LYPD1: variants seen among roughly 807,000 people sequenced by gnomAD.
The protein encoded by LYPD1 is LY6/PLAUR domain containing 1, also known as ly6/PLAUR domain-containing protein 1.
A neutral mutation model predicts 14.2 loss-of-function variants in LYPD1; 14 were observed. The ratio of observed to expected loss-of-function variants is 0.99; its 90% CI spans 0.65 to 1.54. LYPD1 has a LOEUF of 1.54. LYPD1 is among the 40% of genes most tolerant of loss of function. LYPD1 has a pLI of 0.00. For missense variants in LYPD1, 165 were observed against 175.7 expected, an observed-to-expected ratio of 0.94 and a Z score of 0.34; for synonymous variants, 85 against 70.6, an observed-to-expected ratio of 1.20 and a Z score of -1.02.
intron 2 of LYPD1, among the ~76,000 whole-genome samples, chr2:132,660,973 G>A (rs1280811943): frequency 6.6e-6 from 1 of 152,178 alleles, no homozygotes; most frequent in Admixed American, 6.5e-5. Flanking sequence ...TTTCTCAAGG[G>A]AAGAGAGAGA....
rs774382081 is a variant in LYPD1, at chr2:132,669,958, A to AG, written c.-27dup. The AG allele has an allele frequency of 1.2e-6, 2 of 1,610,472 alleles. No homozygotes were observed. The highest frequency in any genetic ancestry group is 3.3e-5 in the Admixed American group (2 of 59,934). ...TCTCCCGGAGTCCCGGGGCCGGGAG[A>AG]GGGCAAGCGCATCAGAGGAGGCGAC... On this transcript the variant is annotated 5_prime_UTR_variant, in exon 1 of 3. Transcript: ENST00000397463. This position sits in a 1 kb window ranked among gnomAD's most constrained non-coding sequence, Gnocchi z 4.3.
intron 2 of LYPD1, 81 bp from the exon 3 acceptor site, chr2:132,646,361 A>C (rs970415948): frequency 1.0e-6 from 1 of 964,016 alleles, no homozygotes; most frequent in East Asian, 3.1e-5. Flanking sequence ...ATCCAAACGG[A>C]CAGCTCTTCC....
intron 2 of LYPD1, among the ~76,000 whole-genome samples, chr2:132,651,554 A>G (rs1049927660): frequency 2.6e-5 from 4 of 152,210 alleles, no homozygotes; most frequent in African/African-American, 9.6e-5. Flanking sequence ...TGCAACAAAT[A>G]AAACAGTCCC....
chr2:132,648,279 TTACTGAATG>T (rs1422524585), intron 2 of LYPD1, among the ~76,000 whole-genome samples: 2 of 106,592 alleles, frequency 1.9e-5, no homozygotes, highest in Non-Finnish European at 5.0e-5. Flanking sequence ...AAAAAAATAT[TTACTGAATG>T]TATTTTTCTC....
intron 2 of LYPD1, among the ~76,000 whole-genome samples, chr2:132,654,577 C>A (rs1276353187): frequency 6.6e-6 from 1 of 152,068 alleles, no homozygotes; most frequent in African/African-American, 2.4e-5. Context: ...GTGCTATTAA[C>A]TGCTTAACTC....
chr2:132,652,817 G>A (rs1051442015), intron 2 of LYPD1, among the ~76,000 whole-genome samples: 3 of 152,208 alleles, frequency 2.0e-5, no homozygotes, highest in African/African-American at 7.2e-5. Flanking sequence ...GGGTGGCTAT[G>A]CGTGCTTGCT....
intron 2 of LYPD1, among the ~76,000 whole-genome samples, chr2:132,661,613 C>T (rs1458336816): frequency 6.6e-6 from 1 of 152,098 alleles, no homozygotes; most frequent in Non-Finnish European, 1.5e-5. Flanking sequence ...AAACATGATC[C>T]TAAGCAAAAG....
intron 2 of LYPD1, among the ~76,000 whole-genome samples, chr2:132,664,057 G>GCGCACA (rs1683124328): frequency 6.6e-6 from 1 of 151,980 alleles, no homozygotes; most frequent in Non-Finnish European, 1.5e-5. Flanking sequence ...GTGTGTGTGT[G>GCGCACA]TGCACATATG....
At chr2:132,648,889 C>T (rs373739056) in intron 2 of LYPD1, among the ~76,000 whole-genome samples, 210 of 152,218 alleles carry the variant, frequency 1.4e-3, no homozygotes, top group African/African-American at 4.9e-3. Flanking sequence ...CTGGCCGCTC[C>T]AGGCCAGGCA....
rs918642882 is a variant in LYPD1, at chr2:132,660,192, C to T, written c.190+8208G>A. Among the ~76,000 whole-genome samples the T allele has an allele frequency of 6.6e-5, 10 of 152,314 alleles. No individual in the cohort carries two copies. The East Asian group carries it at 1.5e-3, about 24-fold the overall frequency. On this transcript the variant is annotated intron_variant, in intron 2 of 2. Transcript: ENST00000397463. ...GTGAGAAATGAAATGCACTGGACCG[C>T]GTATCACAACTTCCTTAAAATAATA...
intron 2 of LYPD1, among the ~76,000 whole-genome samples, chr2:132,649,614 A>G (rs1385439068): frequency 6.6e-6 from 1 of 152,110 alleles, no homozygotes; most frequent in Non-Finnish European, 1.5e-5. Flanking sequence ...TTTAGGCACG[A>G]ATGGCTGCCT....
intron 2 of LYPD1, among the ~76,000 whole-genome samples, chr2:132,647,542 A>G (rs1230391028): frequency 6.6e-6 from 1 of 152,244 alleles, no homozygotes; most frequent in Admixed American, 6.5e-5. Flanking sequence ...CGTGTTAGCC[A>G]GGATGGTCTC....
At chr2:132,647,073 C>T (rs1396809555) in intron 2 of LYPD1, among the ~76,000 whole-genome samples, 1 of 152,186 alleles carries the variant, frequency 6.6e-6, no homozygotes, top group Non-Finnish European at 1.5e-5. Flanking sequence ...GAAGTTTATT[C>T]AATTCAAATA....
chr2:132,656,864 C>T (rs1682624182), intron 2 of LYPD1, among the ~76,000 whole-genome samples: 1 of 152,184 alleles, frequency 6.6e-6, no homozygotes, highest in Admixed American at 6.5e-5. Flanking sequence ...AAGTTCCACA[C>T]TGCATATCCA....
At position 132,646,010 on chromosome 2, in the gene LYPD1, G is replaced by A. The variant is rs769000476; in HGVS notation, c.*35C>T. On this transcript the variant is annotated 3_prime_UTR_variant, in exon 3 of 3. Transcript: ENST00000397463. ...GGGGGGTTGGGGGCGAGGGCTGGAA[G>A]AACAATGCAGGAGGGGGTGGCATCT... 1.7e-5 allele frequency: 25 copies of A among 1,465,538 alleles called. No individual in the cohort carries two copies. In the South Asian group the frequency reaches 2.2e-4, roughly 13 times the overall value. The allele number at this position is 1,465,538 out of a possible 1,614,324, so 90.8% of individuals were successfully genotyped here. A position where few individuals can be genotyped will look rare whatever the true frequency, so the allele number is the denominator to read the frequency against.
rs765352030 is a variant in LYPD1 at position 132,645,616 on chromosome 2, G to T, written c.*429C>A. ...GGAGCATGAAGTTTGAATGTCAAGCGAGGGAGCCTTGAGTGGGAACTGGCC... is the reference window on the plus strand; with the variant it reads ...GGAGCATGAAGTTTGAATGTCAAGCTAGGGAGCCTTGAGTGGGAACTGGCC... On this transcript the variant is annotated 3_prime_UTR_variant, in exon 3 of 3. Transcript: ENST00000397463. 4 of 1,604,424 alleles carry T rather than the reference G, an allele frequency of 2.5e-6. No homozygotes were observed. The Admixed American group carries it at 6.8e-5, about 27-fold the overall frequency.
intron 2 of LYPD1, among the ~76,000 whole-genome samples, chr2:132,665,446 A>G (rs945787120): frequency 6.6e-6 from 1 of 152,212 alleles, no homozygotes; most frequent in Non-Finnish European, 1.5e-5. Flanking sequence ...TTTGACATCC[A>G]CTTCATGGCC....
At position 132,669,825 on chromosome 2, in the gene LYPD1, C is replaced by T. The variant is rs772813533; in HGVS notation, c.52+56G>A. On this transcript the variant is annotated intron_variant, in intron 1 of 2. Coordinates refer to ENST00000397463, the MANE Select transcript of LYPD1 (RefSeq NM_144586.7). The surrounding 1 kb of genome is among the most constrained non-coding windows in gnomAD (Gnocchi z 4.3). The stretch of plus-strand genomic sequence containing the variant: ...GGCGCCTTGGGGGCAAAAGGGCTGG[C>T]GGGTAGATGGATTGTGCGCACCTGG... 7 of 1,599,228 alleles carry T rather than the reference C, an allele frequency of 4.4e-6. No homozygotes were observed. Among genetic ancestry groups the T allele is most frequent in the Admixed American group, 1.7e-5 (1 of 58,672 alleles).
chr2:132,650,727 AC>A (rs373678083), intron 2 of LYPD1, among the ~76,000 whole-genome samples: 1,053 of 103,510 alleles, frequency 0.01, 14 homozygotes, highest in African/African-American at 0.04. Context: ...AAAAAAAAAA[AC>A]AAAAAACAAA....
Sources: allele counts gnomAD v4.1 joint callset (sites outside exome capture counted in the v4.1 genomes callset), GRCh38; gene constraint gnomAD v4.1.1; non-coding constraint Gnocchi (gnomAD v3.1); transcripts MANE v1.5; gene names NCBI Gene and HGNC (gene_info 2026-07-23, HGNC 2026-07-21).